Variants in GLDN observed in about 807,000 individuals in gnomAD.
GLDN encodes gliomedin.
GLDN carries 47 observed loss-of-function variants against 56.5 expected under a neutral mutation model. That is an observed-to-expected ratio of 0.83 (90% CI 0.66 to 1.06). The LOEUF (loss-of-function observed/expected upper bound fraction) is 1.06. Among genes scored for constraint, GLDN ranks in the 50% least tolerant of loss-of-function variants. The probability of loss-of-function intolerance (pLI) is 0.00; values close to 1 mark genes in which losing one functional copy is unlikely to be tolerated. For synonymous variants in GLDN, 332 were observed against 278.8 expected (o/e 1.19, Z -1.90); for missense variants, 782 against 714.3 (o/e 1.09, Z -1.08).
intron 2 of GLDN, among the ~76,000 whole-genome samples, chr15:51,382,952 CAA>C (rs2037799408): frequency 6.6e-6 from 1 of 152,114 alleles, no homozygotes; most frequent in African/African-American, 2.4e-5. Context: ...TTTCATGTAA[CAA>C]AAGAGAAATC....
intron 1 of GLDN, among the ~76,000 whole-genome samples, chr15:51,362,690 A>G (rs1434641736): frequency 6.6e-6 from 1 of 152,110 alleles, no homozygotes; most frequent in Non-Finnish European, 1.5e-5. Context: ...TGACTTCTCA[A>G]TGATGAGAAT....
intron 4 of GLDN, among the ~76,000 whole-genome samples, chr15:51,390,188 A>G (rs370396554): frequency 5.9e-5 from 9 of 152,378 alleles, no homozygotes; most frequent in African/African-American, 2.2e-4. Context: ...TAATGTTATT[A>G]GGAAGATTAA....
chr15:51,357,282 C>T (rs1001973519), intron 1 of GLDN, among the ~76,000 whole-genome samples: 2 of 152,196 alleles, frequency 1.3e-5, no homozygotes, highest in African/African-American at 4.8e-5. Flanking sequence ...CACTGTGGTC[C>T]ACGGCTTCAT....
intron 2 of GLDN, among the ~76,000 whole-genome samples, chr15:51,381,022 G>A (rs991287761): frequency 2.0e-5 from 3 of 152,172 alleles, no homozygotes; most frequent in Admixed American, 2.0e-4. Context: ...CCCAGATGGG[G>A]CCTGGGTATC....
intron 1 of GLDN, among the ~76,000 whole-genome samples, chr15:51,347,575 T>C (rs12595379): frequency 0.14 from 21,684 of 152,134 alleles, 1,675 homozygotes; most frequent in South Asian, 0.26. Flanking sequence ...GACAACACAC[T>C]GTATTAGGGA....
In GLDN at chr15:51,397,606, C is replaced by G. The variant is rs766229043; in HGVS notation, c.817+8C>G. 2 of 1,577,226 alleles carry G rather than the reference C, an allele frequency of 1.3e-6. No individual in the cohort carries two copies. Among genetic ancestry groups the G allele is most frequent in the South Asian group, 2.3e-5 (2 of 85,636 alleles). On this transcript the variant is annotated splice_region_variant and intron_variant, in intron 6 of 9. Transcript: ENST00000335449. ...TCAACGGCCAGTGCCCAGGTCACCA[C>G]CTCTCCCCTACGGGGCCCACCTCTT...
intron 1 of GLDN, among the ~76,000 whole-genome samples, chr15:51,347,554 T>C (rs1203061510): frequency 1.4e-4 from 21 of 152,172 alleles, no homozygotes; most frequent in Admixed American, 1.4e-3. Flanking sequence ...AAGACAAAAC[T>C]ACAAAAGTTT....
At chr15:51,359,559 A>G (rs7173573) in intron 1 of GLDN, among the ~76,000 whole-genome samples, 80,248 of 152,090 alleles carry the variant, frequency 0.53, 23,212 homozygotes, top group African/African-American at 0.76. Context: ...TTACTGACTT[A>G]CATACTAGAG....
intron 1 of GLDN, among the ~76,000 whole-genome samples, chr15:51,352,829 G>A (rs1285988349): frequency 6.6e-6 from 1 of 152,146 alleles, no homozygotes; most frequent in South Asian, 2.1e-4. Flanking sequence ...AAAGTAGGCT[G>A]AACTAACTTT....
chr15:51,366,722 C>T (rs1276916161), intron 1 of GLDN, among the ~76,000 whole-genome samples: 1 of 152,124 alleles, frequency 6.6e-6, no homozygotes, highest in East Asian at 1.9e-4. Context: ...TCAGTCTGGG[C>T]ATCATAGGCA....
intron 4 of GLDN, among the ~76,000 whole-genome samples, chr15:51,394,378 C>T (rs1354628719): frequency 4.6e-5 from 7 of 152,030 alleles, no homozygotes; most frequent in African/African-American, 1.7e-4. Context: ...TTTGGGAGGC[C>T]GAGGCAGGCG....
chr15:51,344,068 G>A (rs1595797009), intron 1 of GLDN, among the ~76,000 whole-genome samples: 1 of 152,250 alleles, frequency 6.6e-6, no homozygotes, highest in East Asian at 1.9e-4. Context: ...TCTAAGCTGG[G>A]GCCTAAGATT....
At chr15:51,375,917 A>T (rs1164926541) in intron 1 of GLDN, among the ~76,000 whole-genome samples, 2 of 152,288 alleles carry the variant, frequency 1.3e-5, no homozygotes, top group East Asian at 3.9e-4. Context: ...AGCCCTTCAG[A>T]TGCTGTGGGG....
chr15:51,373,128 T>C (rs1209090606), intron 1 of GLDN, among the ~76,000 whole-genome samples: 1 of 152,172 alleles, frequency 6.6e-6, no homozygotes, highest in East Asian at 1.9e-4. Flanking sequence ...GTACAGGAGA[T>C]GCAGACAAAA....
At chr15:51,383,922 C>A in intron 4 of GLDN, 30 bp downstream of exon 4, 1 of 1,463,168 alleles carries the variant, frequency 6.8e-7, no homozygotes, top group East Asian at 2.3e-5. Flanking sequence ...TAATTAATTT[C>A]CCTGTTATTT....
chr15:51,359,079 A>G (rs1213976672), intron 1 of GLDN, among the ~76,000 whole-genome samples: 2 of 152,156 alleles, frequency 1.3e-5, no homozygotes, highest in African/African-American at 4.8e-5. Context: ...CTTTGGCCCT[A>G]ATGGCCCAAA....
At chr15:51,367,064 C>G (rs972586641) in intron 1 of GLDN, among the ~76,000 whole-genome samples, 7 of 152,176 alleles carry the variant, frequency 4.6e-5, no homozygotes. Context: ...ATTGCATTTC[C>G]TATTTCATCA....
chr15:51,388,923 G>C (rs2037958377), intron 4 of GLDN, among the ~76,000 whole-genome samples: 1 of 152,246 alleles, frequency 6.6e-6, no homozygotes, highest in African/African-American at 2.4e-5. Context: ...GGAGGGCTGG[G>C]AGGGTTCCAG....
downstream of GLDN, among the ~76,000 whole-genome samples, chr15:51,408,376 G>T (rs934199119): frequency 6.6e-6 from 1 of 152,186 alleles, no homozygotes; most frequent in East Asian, 1.9e-4. Context: ...TAATCCCTCA[G>T]AGCCTCTTTC....
Sources: gnomAD v4.1 joint callset for allele counts (sites outside exome capture counted in the v4.1 genomes callset) on GRCh38, gnomAD v4.1.1 for gene constraint, MANE v1.5 for transcripts, NCBI Gene and HGNC (gene_info 2026-07-23, HGNC 2026-07-21) for gene names.